ELF2: variants seen among roughly 807,000 people sequenced by gnomAD.
ELF2 encodes the protein ETS-related transcription factor Elf-2.
A neutral mutation model predicts 54.8 loss-of-function variants in ELF2; 11 were observed. The observed-to-expected ratio is 0.20, with a 90% CI of 0.13 to 0.33. The LOEUF is 0.33. ELF2 is among the 10% of genes least tolerant of loss of function. ELF2 has a pLI of 1.00. For missense variants in ELF2, 513 were observed against 703.0 expected (o/e 0.73, Z 3.06); for synonymous variants, 203 against 245.1 (o/e 0.83, Z 1.61).
At position 139,060,516 on chromosome 4, in the gene ELF2, C is replaced by T. The variant is rs1251901537; in HGVS notation, c.965G>A (p.Arg322Gln). The T allele has an allele frequency of 2.5e-6, 4 of 1,614,172 alleles. No individual in the cohort carries two copies. The highest frequency in any genetic ancestry group is 4.5e-5 in the East Asian group (2 of 44,874). ...GAGACTTTCTGCAGACAGTGACACT[C>T]GTTCTAATGATTTTTCATCAGTAGT... ...AGTTDEKSLE[R>Q]VSLSAESLLK... The change falls in exon 9 of 10, where the codon CGA becomes CAA. Residue 322 changes from arginine to glutamine, a missense_variant. Around this residue, in one of 3 missense-constraint regions of ELF2, gnomAD observed 291 missense variants for 366.1 expected, o/e 0.79. Transcript: ENST00000686138.
At chr4:139,061,740 G>T in intron 8 of ELF2, 125 bp downstream of exon 8, 1 of 1,040,714 alleles carries the variant, frequency 9.6e-7, no homozygotes. Context: ...AATCTAAGAA[G>T]CTCCTCTAGA....
At chr4:139,151,082 AAGAAAG>A (rs1560871742) in intron 1 of ELF2, among the ~76,000 whole-genome samples, 1 of 121,864 alleles carries the variant, frequency 8.2e-6, no homozygotes, top group Non-Finnish European at 1.7e-5. Flanking sequence ...GAAAGAAAGA[AAGAAAG>A]AAAGAAAAAG....
chr4:139,092,443 T>TAACATAACA (rs1456052662), intron 4 of ELF2, among the ~76,000 whole-genome samples: 1 of 147,802 alleles, frequency 6.8e-6, no homozygotes, highest in East Asian at 2.0e-4. Flanking sequence ...TAACATAACA[T>TAACATAACA]AACATAACAT....
chr4:139,069,165 G>A (rs1001525945), intron 6 of ELF2, among the ~76,000 whole-genome samples: 12 of 152,012 alleles, frequency 7.9e-5, no homozygotes, highest in Non-Finnish European at 1.2e-4. Context: ...CACAGCACCC[G>A]GCCATATTTT....
chr4:139,126,038 T>C (rs949184934), intron 3 of ELF2, among the ~76,000 whole-genome samples: 10 of 152,208 alleles, frequency 6.6e-5, no homozygotes, highest in Non-Finnish European at 8.8e-5. Flanking sequence ...ACTAGCTTTT[T>C]AGTCCATCAC....
chr4:139,167,032 C>G (rs938317172), intron 1 of ELF2, among the ~76,000 whole-genome samples: 3 of 152,100 alleles, frequency 2.0e-5, no homozygotes, highest in Admixed American at 1.3e-4. Flanking sequence ...TAATACTTAT[C>G]TCAACAAAAG....
chr4:139,074,115 G>C (rs1023365050), intron 4 of ELF2, among the ~76,000 whole-genome samples: 1 of 152,148 alleles, frequency 6.6e-6, no homozygotes, highest in Non-Finnish European at 1.5e-5. Context: ...GCGACAGAGT[G>C]AGACTCTGTC....
At position 139,060,527 on chromosome 4, in the gene ELF2, T is replaced by C. The variant is rs1247023677; in HGVS notation, c.954A>G (p.Lys318=). The C allele has an allele frequency of 2.5e-6, 4 of 1,614,106 alleles. No homozygotes were observed. Among genetic ancestry groups the C allele is most frequent in the African/African-American group, 2.7e-5 (2 of 74,936 alleles). Reference sequence around the variant, plus strand: ...CAGACAGTGACACTCGTTCTAATGATTTTTCATCAGTAGTTCCTGCTAAAT... The same window carrying C: ...CAGACAGTGACACTCGTTCTAATGACTTTTCATCAGTAGTTCCTGCTAAAT... ...NEDLAGTTDE[K]SLERVSLSAE... The change falls in exon 9 of 10, where the codon AAA becomes AAG. Residue 318 remains lysine (K), a synonymous_variant. Coordinates refer to ENST00000686138, the MANE Select transcript of ELF2 (RefSeq NM_001331036.3).
chr4:139,078,618 C>A (rs1730650142), intron 4 of ELF2, among the ~76,000 whole-genome samples: 1 of 149,434 alleles, frequency 6.7e-6, no homozygotes, highest in Non-Finnish European at 1.5e-5. Context: ...GAGCGAACTG[C>A]CCTCTGCAAG....
Position 139,073,459 on chromosome 4 carries a change from C to A in ELF2, c.347G>T (p.Ser116Ile). Residue 116 changes from serine to isoleucine, a missense_variant, in exon 5 of 10, where the codon AGT becomes ATT. Physicochemically the swap from Ser to Ile is moderately radical, Grantham distance 142 (BLOSUM62 -2). Coordinates refer to ENST00000686138, the MANE Select transcript of ELF2 (RefSeq NM_001331036.3). ...AGAATGAACAGTTTACATACCAGGACTTCTTGAATCCCTCAAGCAGGTAGG... is the reference window on the plus strand; with the variant it reads ...AGAATGAACAGTTTACATACCAGGAATTCTTGAATCCCTCAAGCAGGTAGG... ...ESPTCLRDSR[S>I]PVEVFVPPCV... 1.2e-6 allele frequency: 2 copies of A among 1,602,240 alleles called. No individual in the cohort carries two copies. Among genetic ancestry groups the A allele is most frequent in the African/African-American group, 2.7e-5 (2 of 74,700 alleles).
Position 139,115,255 on chromosome 4 carries a change from C to A in ELF2, c.238+9909G>T, listed in dbSNP as rs1735536467. ...GCCCTCATCGTCCGCGCCGCCCGGG[C>A]CCTCTCCTGCGGTCCCGGGGGGGGC... On this transcript the variant is annotated intron_variant, in intron 4 of 9. Transcript: ENST00000686138. 3.1e-6 allele frequency: 5 copies of A among 1,607,908 alleles called. No homozygotes were observed. In the South Asian group the frequency reaches 3.3e-5, roughly 11 times the overall value.
In ELF2 at chr4:139,115,477, G is replaced by C. The variant is rs540519649; in HGVS notation, c.238+9687C>G. ...GTTAGCTCGCCGCGGCGAGGGCAGC[G>C]GCGGGGGTGCCCGAGGGCAGCTGCA... is the stretch of plus-strand genomic sequence containing the variant. On this transcript the variant is annotated intron_variant, in intron 4 of 9. Coordinates refer to ENST00000686138, the MANE Select transcript of ELF2 (RefSeq NM_001331036.3). The C allele has an allele frequency of 5.9e-6, 5 of 847,434 alleles. No homozygotes were observed. The African/African-American group carries it at 7.4e-5, about 12-fold the overall frequency. 52.5% of individuals were successfully genotyped at this position (847,434 alleles called of 1,614,324 possible).
chr4:139,176,122 G>A (rs917646058), intron 1 of ELF2, among the ~76,000 whole-genome samples: 1 of 152,158 alleles, frequency 6.6e-6, no homozygotes, highest in East Asian at 1.9e-4. Context: ...ATCCCGTCGC[G>A]CGGTCCCTGA....
intron 1 of ELF2, among the ~76,000 whole-genome samples, chr4:139,164,261 G>A (rs1741500529): frequency 6.6e-6 from 1 of 151,486 alleles, no homozygotes; most frequent in Non-Finnish European, 1.5e-5. Flanking sequence ...AAAGAAGGAA[G>A]GGAGGGAGGA....
At chr4:139,110,142 A>T (rs1734819722) in intron 4 of ELF2, among the ~76,000 whole-genome samples, 1 of 152,220 alleles carries the variant, frequency 6.6e-6, no homozygotes, top group African/African-American at 2.4e-5. Flanking sequence ...ACTCAAAGCT[A>T]TGTCTGTGCT....
chr4:139,084,753 G>A lies in ELF2; in HGVS notation c.239-11186C>T, dbSNP rs12643822. On this transcript the variant is annotated intron_variant, in intron 4 of 9. Transcript: ENST00000686138. ...CCTAGTCCTGCAGCTGTAAATAAAGGTGGCTATTTAACTTCTTTTGGCTTT... is the reference window on the plus strand; with the variant it reads ...CCTAGTCCTGCAGCTGTAAATAAAGATGGCTATTTAACTTCTTTTGGCTTT... Among the ~76,000 whole-genome samples the A allele has an allele frequency of 6.3e-3, 958 of 152,290 alleles. 47 individuals are homozygous for A. In the East Asian group the frequency reaches 0.12, roughly 19 times the overall value.
chr4:139,092,604 T>C (rs1178224968), intron 4 of ELF2, among the ~76,000 whole-genome samples: 2 of 152,010 alleles, frequency 1.3e-5, no homozygotes, highest in East Asian at 3.9e-4. Flanking sequence ...ATCGAGACCA[T>C]CCTGGCTAAC....
chr4:139,176,400 C>G (rs1025055845), intron 1 of ELF2, among the ~76,000 whole-genome samples: 1 of 151,948 alleles, frequency 6.6e-6, no homozygotes, highest in East Asian at 1.9e-4. Context: ...GTCCAGCGCC[C>G]CCCCCCGCCT....
At chr4:139,145,091 C>T (rs1739094481) in intron 1 of ELF2, among the ~76,000 whole-genome samples, 1 of 152,244 alleles carries the variant, frequency 6.6e-6, no homozygotes, top group Admixed American at 6.5e-5. Flanking sequence ...CAGTTTACTA[C>T]AGCAACTACA....
Sources: allele counts gnomAD v4.1 joint callset (sites outside exome capture counted in the v4.1 genomes callset), GRCh38; gene constraint gnomAD v4.1.1; regional missense constraint gnomAD v4.1.1; transcripts MANE v1.5; gene names NCBI Gene and HGNC (gene_info 2026-07-23, HGNC 2026-07-21).